The following KCNT2 variants were observed in gnomAD, a reference collection of about 807,000 sequenced individuals.
KCNT2 encodes potassium sodium-activated channel subfamily T member 2, also known as potassium channel subfamily T member 2.
KCNT2 carries 67 observed loss-of-function variants against 153.8 expected under a neutral mutation model. The observed-to-expected ratio is 0.44, with a 90% CI of 0.36 to 0.53. The LOEUF is 0.53. KCNT2 is among the 20% of genes least tolerant of loss of function. The probability of loss-of-function intolerance (pLI) is 0.00; values close to 1 mark genes in which losing one functional copy is unlikely to be tolerated. For synonymous variants in KCNT2, 500 were observed against 458.8 expected, an observed-to-expected ratio of 1.09 and a Z score of -1.15; for missense variants, 975 against 1,354.8, an observed-to-expected ratio of 0.72 and a Z score of 4.40.
At chr1:196,543,617 T>A (rs1656672488) in intron 1 of KCNT2, among the ~76,000 whole-genome samples, 1 of 152,182 alleles carries the variant, frequency 6.6e-6, no homozygotes, top group Admixed American at 6.6e-5. Context: ...GGAAAATGGA[T>A]GTCCACGATA....
chr1:196,319,171 T>A (rs945132385), intron 20 of KCNT2, among the ~76,000 whole-genome samples: 1 of 151,776 alleles, frequency 6.6e-6, no homozygotes, highest in African/African-American at 2.4e-5. Flanking sequence ...ATATTGCAAC[T>A]TTAGTTTTCT....
chr1:196,246,370 C>T (rs749113361), intron 26 of KCNT2, among the ~76,000 whole-genome samples: 11 of 152,018 alleles, frequency 7.2e-5, no homozygotes, highest in Admixed American at 7.2e-4. Flanking sequence ...ATAAGAAATG[C>T]TAAAGAGAGT....
intron 12 of KCNT2, among the ~76,000 whole-genome samples, chr1:196,405,982 ATTG>A (rs1207219732): frequency 6.6e-6 from 1 of 151,530 alleles, no homozygotes; most frequent in African/African-American, 2.4e-5. Flanking sequence ...ATTCGAATGT[ATTG>A]TTGTATAAAC....
intron 3 of KCNT2, among the ~76,000 whole-genome samples, chr1:196,485,810 A>C (rs185825098): frequency 6.6e-6 from 1 of 151,074 alleles, no homozygotes. Flanking sequence ...AATTTATCAT[A>C]AAAAAAAAGA....
chr1:196,483,318 A>G (rs1679162563), intron 3 of KCNT2, among the ~76,000 whole-genome samples: 1 of 152,164 alleles, frequency 6.6e-6, no homozygotes, highest in African/African-American at 2.4e-5. Flanking sequence ...TTTCGTCTCT[A>G]CTACCACAAT....
At chr1:196,352,320 G>C (rs2148222479) in intron 14 of KCNT2, among the ~76,000 whole-genome samples, 1 of 152,104 alleles carries the variant, frequency 6.6e-6, no homozygotes. Context: ...ATTCAGCTGT[G>C]AATCCATCTG....
At chr1:196,515,857 G>T (rs973004625) in intron 1 of KCNT2, among the ~76,000 whole-genome samples, 1 of 152,160 alleles carries the variant, frequency 6.6e-6, no homozygotes, top group Non-Finnish European at 1.5e-5. Context: ...ACCCAGGGAA[G>T]TGGTGAGTAA....
chr1:196,337,092 C>T (rs1256779321), intron 16 of KCNT2, among the ~76,000 whole-genome samples: 1 of 152,016 alleles, frequency 6.6e-6, no homozygotes, highest in African/African-American at 2.4e-5. Flanking sequence ...GAAATCTAGA[C>T]TCTTACATAC....
At chr1:196,334,499 T>TTTTTTTTTTTTTTTTTTTTTTA (rs1664813946) in intron 16 of KCNT2, among the ~76,000 whole-genome samples, 1 of 145,658 alleles carries the variant, frequency 6.9e-6, no homozygotes, top group East Asian at 2.0e-4. Flanking sequence ...TTTTTTTTTT[T>TTTTTTTTTTTTTTTTTTTTTTA]AAGACAGAGT....
intron 1 of KCNT2, among the ~76,000 whole-genome samples, chr1:196,575,250 T>A (rs1661219237): frequency 6.6e-6 from 1 of 152,216 alleles, no homozygotes; most frequent in South Asian, 2.1e-4. Context: ...CTACCCCCTT[T>A]TAAATTTGGA....
intron 21 of KCNT2, among the ~76,000 whole-genome samples, chr1:196,312,100 A>G (rs549877001): frequency 9.4e-4 from 143 of 151,952 alleles, no homozygotes; most frequent in African/African-American, 3.2e-3. Flanking sequence ...AGCTCTTTGT[A>G]CTGGGATGGC....
chr1:196,573,201 A>G (rs1291628464), intron 1 of KCNT2, among the ~76,000 whole-genome samples: 1 of 152,138 alleles, frequency 6.6e-6, no homozygotes, highest in Non-Finnish European at 1.5e-5. Context: ...GCTATTTTTA[A>G]GATTTAAGGA....
In KCNT2 at chr1:196,430,492, TA is replaced by T. The variant is rs1263189640; in HGVS notation, c.639-736del. Among the ~76,000 whole-genome samples, 6 of 151,882 alleles carry T rather than the reference TA, an allele frequency of 4.0e-5. 1 individual carries two copies. The highest frequency in any genetic ancestry group is 1.5e-4 in the African/African-American group (6 of 41,374). ...TTTGCCTTTCTACAATGTTATGAGATAGCAAGAAGGCCCTCACCAGTTGCCA... is the reference window on the plus strand; with the variant it reads ...TTTGCCTTTCTACAATGTTATGAGATGCAAGAAGGCCCTCACCAGTTGCCA... On this transcript the variant is annotated intron_variant, in intron 8 of 27. Coordinates refer to ENST00000294725, the MANE Select transcript of KCNT2 (RefSeq NM_198503.5).
rs547509249 is a variant in KCNT2, at chr1:196,471,362, A to T, written c.385-2294T>A. On this transcript the variant is annotated intron_variant, in intron 5 of 27. Coordinates refer to ENST00000294725, the MANE Select transcript of KCNT2 (RefSeq NM_198503.5). Reference sequence around the variant, plus strand: ...GAAAGAGTGGTCTTTTCCTACTACCACTGAATCAGGACTATTTAACAAAAG... The same window carrying T: ...GAAAGAGTGGTCTTTTCCTACTACCTCTGAATCAGGACTATTTAACAAAAG... Among the ~76,000 whole-genome samples the T allele has an allele frequency of 1.4e-4, 21 of 152,146 alleles. No individual in the cohort carries two copies. The South Asian group carries it at 4.1e-3, about 30-fold the overall frequency.
At chr1:196,530,832 A>G (rs1191942841) in intron 1 of KCNT2, among the ~76,000 whole-genome samples, 1 of 152,110 alleles carries the variant, frequency 6.6e-6, no homozygotes. Context: ...TGAATGCTAT[A>G]TATGAAGATT....
In KCNT2 at chr1:196,227,332, T is replaced by C. The variant is rs190413565; in HGVS notation, c.*892A>G. 40 of 152,142 alleles carry C rather than the reference T, an allele frequency of 2.6e-4. No homozygotes were observed. Among genetic ancestry groups the C allele is most frequent in the Non-Finnish European group, 3.5e-4 (24 of 67,914 alleles). 9.4% of individuals were successfully genotyped at this position (152,142 alleles called of 1,614,324 possible). On this transcript the variant is annotated 3_prime_UTR_variant, in exon 28 of 28. Transcript: ENST00000294725. ...TAGTGAAATTTACTATATAGATATA[T>C]GAATAGGAAAGATGGTAAAGTTCAA...
At chr1:196,442,761 T>G (rs532632979) in intron 8 of KCNT2, among the ~76,000 whole-genome samples, 1 of 151,538 alleles carries the variant, frequency 6.6e-6, no homozygotes, top group African/African-American at 2.4e-5. Flanking sequence ...AATAAAAACA[T>G]AGGGAGAATA....
At chr1:196,241,986 A>C (rs1655000438) in intron 26 of KCNT2, among the ~76,000 whole-genome samples, 1 of 152,080 alleles carries the variant, frequency 6.6e-6, no homozygotes. Context: ...ATTAGTCTAA[A>C]TATATATGAT....
chr1:196,313,507 T>A (rs1389590450), intron 21 of KCNT2, among the ~76,000 whole-genome samples: 1 of 151,486 alleles, frequency 6.6e-6, no homozygotes, highest in Non-Finnish European at 1.5e-5. Flanking sequence ...GGATGATAAT[T>A]AACCACATCT....
Sources: allele counts gnomAD v4.1 joint callset (sites outside exome capture counted in the v4.1 genomes callset), GRCh38; gene constraint gnomAD v4.1.1; transcripts MANE v1.5; gene names NCBI Gene and HGNC (gene_info 2026-07-23, HGNC 2026-07-21).